DNM3: variants seen among roughly 807,000 people sequenced by gnomAD.
The protein encoded by DNM3 is dynamin 3, also known as dynamin-3.
In DNM3, 47 loss-of-function variants were observed where a neutral mutation model predicts 101.6. The observed-to-expected ratio is 0.46, with a 90% CI of 0.37 to 0.59. The LOEUF (loss-of-function observed/expected upper bound fraction) is 0.59. Among genes scored for constraint, DNM3 ranks in the 20% least tolerant of loss-of-function variants. The probability of loss-of-function intolerance (pLI) is 0.00; values close to 1 mark genes in which losing one functional copy is unlikely to be tolerated. For missense variants in DNM3, 849 were observed against 1,085.7 expected (o/e 0.78, Z 3.06); for synonymous variants, 385 against 387.9 (o/e 0.99, Z 0.09).
chr1:171,935,860 C>G (rs867760554), intron 2 of DNM3, among the ~76,000 whole-genome samples: 17 of 135,040 alleles, frequency 1.3e-4, no homozygotes, highest in African/African-American at 4.2e-4. Context: ...TTCTCAATAC[C>G]TGATCTTACT....
chr1:172,196,995 A>G (rs978560920), intron 14 of DNM3, among the ~76,000 whole-genome samples: 2 of 151,902 alleles, frequency 1.3e-5, no homozygotes, highest in African/African-American at 4.8e-5. Context: ...TCCTATGTCC[A>G]GGATAGCATT....
intron 14 of DNM3, among the ~76,000 whole-genome samples, chr1:172,207,966 C>G (rs1667698303): frequency 6.6e-6 from 1 of 151,782 alleles, no homozygotes; most frequent in Non-Finnish European, 1.5e-5. Context: ...AAAAAACTGC[C>G]TTTACTTCCA....
chr1:171,954,528 T>G (rs935719686), intron 2 of DNM3, among the ~76,000 whole-genome samples: 1 of 152,202 alleles, frequency 6.6e-6, no homozygotes, highest in African/African-American at 2.4e-5. Context: ...GAAATCCTCT[T>G]AAGATAGTAA....
intron 11 of DNM3, 112 bp from the exon 12 acceptor site, chr1:172,081,720 A>G (rs984880387): frequency 4.9e-6 from 4 of 808,932 alleles, no homozygotes; most frequent in Middle Eastern, 2.4e-4. Context: ...TGCTAATTGA[A>G]GTATCCTTTA....
At chr1:172,185,286 G>T (rs916574669) in intron 14 of DNM3, among the ~76,000 whole-genome samples, 3 of 152,098 alleles carry the variant, frequency 2.0e-5, no homozygotes, top group East Asian at 1.9e-4. Flanking sequence ...TTTACTTTAG[G>T]TTTCCTGTTT....
chr1:171,896,003 T>C (rs1348253656), intron 1 of DNM3, among the ~76,000 whole-genome samples: 1 of 152,206 alleles, frequency 6.6e-6, no homozygotes, highest in Non-Finnish European at 1.5e-5. Context: ...TCTATATCTC[T>C]GTTTTGGTAC....
At chr1:172,268,760 T>G (rs2062968464) in intron 15 of DNM3, among the ~76,000 whole-genome samples, 1 of 152,192 alleles carries the variant, frequency 6.6e-6, no homozygotes, top group Non-Finnish European at 1.5e-5. Flanking sequence ...AGCAAGCAAT[T>G]TAAATTCTTT....
chr1:171,884,395 T>G (rs1229685502), intron 1 of DNM3, among the ~76,000 whole-genome samples: 1 of 152,228 alleles, frequency 6.6e-6, no homozygotes, highest in Non-Finnish European at 1.5e-5. Flanking sequence ...CTCCTTTGAG[T>G]TACCCATATA....
chr1:172,123,699 G>T (rs2056452965), intron 13 of DNM3, among the ~76,000 whole-genome samples: 1 of 152,188 alleles, frequency 6.6e-6, no homozygotes, highest in Admixed American at 6.5e-5. Context: ...AGATCAATGT[G>T]AGAAGTCACT....
At chr1:171,918,285 A>T (rs551359587) in intron 1 of DNM3, among the ~76,000 whole-genome samples, 2 of 152,294 alleles carry the variant, frequency 1.3e-5, no homozygotes, top group South Asian at 4.1e-4. Context: ...GATCCATACA[A>T]CTTGGGCCAT....
intron 1 of DNM3, among the ~76,000 whole-genome samples, chr1:171,915,464 G>A (rs1385004956): frequency 1.3e-5 from 2 of 152,092 alleles, no homozygotes; most frequent in African/African-American, 4.8e-5. Flanking sequence ...GAGATATTAA[G>A]ATAGAATCAA....
At chr1:172,212,214 A>T (rs942878397) in intron 14 of DNM3, among the ~76,000 whole-genome samples, 5 of 152,136 alleles carry the variant, frequency 3.3e-5, no homozygotes, top group African/African-American at 1.2e-4. Context: ...GATGTCGATT[A>T]TGAGATTTCT....
intron 11 of DNM3, among the ~76,000 whole-genome samples, chr1:172,076,176 A>T (rs2052631277): frequency 6.6e-6 from 1 of 152,172 alleles, no homozygotes; most frequent in Non-Finnish European, 1.5e-5. Flanking sequence ...GTATCCTGAG[A>T]CTTTGCTGAA....
At chr1:172,147,980 T>G (rs900777173) in intron 14 of DNM3, among the ~76,000 whole-genome samples, 10 of 152,134 alleles carry the variant, frequency 6.6e-5, no homozygotes, top group African/African-American at 2.4e-4. Flanking sequence ...ATAGTGTAGC[T>G]ATTATTATCA....
intron 14 of DNM3, among the ~76,000 whole-genome samples, chr1:172,248,613 G>A (rs777937140): frequency 6.6e-6 from 1 of 152,076 alleles, no homozygotes; most frequent in East Asian, 1.9e-4. Flanking sequence ...ACAAGAACCT[G>A]CCTTCTTTCA....
chr1:172,332,202 G>A (rs145666702), intron 17 of DNM3, among the ~76,000 whole-genome samples: 3 of 152,204 alleles, frequency 2.0e-5, no homozygotes, highest in Non-Finnish European at 4.4e-5. Flanking sequence ...TTACAATGCT[G>A]TAACAAACAA....
chr1:172,314,187 G>C lies in DNM3; in HGVS notation c.1881+5348G>C, dbSNP rs891613592. ...GTTTATTGCAGCACTGTTCACAATA[G>C]CAAAGACTTAGGACCCAAATGCCCA... is the stretch of plus-strand genomic sequence containing the variant. On this transcript the variant is annotated intron_variant, in intron 16 of 20. Coordinates refer to ENST00000627582, the MANE Select transcript of DNM3 (RefSeq NM_015569.5). 2.0e-5 allele frequency among the ~76,000 whole-genome samples: 3 copies of C among 152,292 alleles called. No homozygotes were observed. The South Asian group carries it at 6.2e-4, about 32-fold the overall frequency.
In DNM3 at chr1:172,344,945, G is replaced by A. The variant is rs115938451; in HGVS notation, c.1893+21605G>A. Among the ~76,000 whole-genome samples the A allele has an allele frequency of 1.5e-3, 229 of 152,210 alleles. 1 individual carries two copies. The highest frequency in any genetic ancestry group is 5.3e-3 in the African/African-American group (222 of 41,518). ...TTTCTAAAGAAGCATTCTATTAATT[G>A]TATTCCATTAAGCATACTAGTACCA... On this transcript the variant is annotated intron_variant, in intron 17 of 20. Transcript: ENST00000627582.
rs76419743 is a variant in DNM3, at chr1:171,867,051, G to T, written c.161+25234G>T. Among the ~76,000 whole-genome samples the T allele has an allele frequency of 2.0e-5, 3 of 152,308 alleles. No homozygotes were observed. The South Asian group carries it at 6.2e-4, about 32-fold the overall frequency. On this transcript the variant is annotated intron_variant, in intron 1 of 20. Transcript: ENST00000627582. ...AAATGTTTTTAAACTTTTAAGTGAC[G>T]TGTGTAACCACACATGGAGTTCAGC...
Sources: allele counts gnomAD v4.1 joint callset (sites outside exome capture counted in the v4.1 genomes callset), GRCh38; gene constraint gnomAD v4.1.1; transcripts MANE v1.5; gene names NCBI Gene and HGNC (gene_info 2026-07-23, HGNC 2026-07-21).